DCBLD2: variants seen among roughly 807,000 people sequenced by gnomAD.
The protein encoded by DCBLD2 is discoidin, CUB and LCCL domain containing 2, also known as discoidin, CUB and LCCL domain-containing protein 2.
A neutral mutation model predicts 86.8 loss-of-function variants in DCBLD2; 54 were observed. The observed-to-expected ratio is 0.62, with a 90% CI of 0.50 to 0.78. The LOEUF is 0.78. Ranked by LOEUF, DCBLD2 falls within the 30% of genes least tolerant of loss-of-function variation. The pLI is 0.00. For synonymous variants in DCBLD2, 354 were observed against 341.3 expected (o/e 1.04, Z -0.41); for missense variants, 908 against 954.2 (o/e 0.95, Z 0.64).
intron 3 of DCBLD2, among the ~76,000 whole-genome samples, chr3:98,839,340 G>A (rs1201196786): frequency 6.6e-6 from 1 of 151,876 alleles, no homozygotes; most frequent in East Asian, 1.9e-4. Context: ...GTGTACCTGG[G>A]TGTTCCAGTT....
At chr3:98,839,184 C>T (rs1466293647) in intron 3 of DCBLD2, among the ~76,000 whole-genome samples, 5 of 50,444 alleles carry the variant, frequency 9.9e-5, no homozygotes, top group African/African-American at 5.4e-4. Flanking sequence ...TTCTTTCTTC[C>T]TTCCTTCCTT....
chr3:98,812,751 AT>A (rs573346814), intron 9 of DCBLD2: 116 of 261,496 alleles, frequency 4.4e-4, no homozygotes, highest in Non-Finnish European at 7.6e-4. Context: ...CTAACTTGGC[AT>A]TTGGGTAAAA....
chr3:98,901,522 C>G lies in DCBLD2; in HGVS notation c.-196G>C. ...TCCTTCGTCCCTTCCCTCCGCTCCC[C>G]GCGCCGAGACCCCAGGCCGGAGCGC... On this transcript the variant is annotated 5_prime_UTR_variant, in exon 1 of 16. Coordinates refer to ENST00000326840, the MANE Select transcript of DCBLD2 (RefSeq NM_080927.4). 1 of 454,412 alleles carries G rather than the reference C, an allele frequency of 2.2e-6. No homozygotes were observed. The highest frequency in any genetic ancestry group is 3.5e-6 in the Non-Finnish European group (1 of 286,680). 28.1% of individuals were successfully genotyped at this position (454,412 alleles called of 1,614,324 possible).
At chr3:98,859,506 G>A (rs114100217) in intron 2 of DCBLD2, among the ~76,000 whole-genome samples, 253 of 152,272 alleles carry the variant, frequency 1.7e-3, no homozygotes, top group Admixed American at 6.5e-3. Context: ...TCACATGGCC[G>A]GGTACGCCTC....
rs565015444 is a variant in DCBLD2, at chr3:98,802,412, T to C, written c.1671-763A>G. On this transcript the variant is annotated intron_variant, in intron 13 of 15. Transcript: ENST00000326840. ...ACTTGTTGATGGGGTTGTTTTTTTT[T>C]CTTGTAAATTTGTTTGAGTTCTTTG... is the stretch of plus-strand genomic sequence containing the variant. Among the ~76,000 whole-genome samples the C allele has an allele frequency of 1.5e-3, 230 of 152,350 alleles. 4 individuals are homozygous for C. Among genetic ancestry groups the C allele is most frequent in the Middle Eastern group, 0.014 (4 of 294 alleles).
chr3:98,867,290 C>G (rs553716868), intron 2 of DCBLD2, among the ~76,000 whole-genome samples: 1 of 152,138 alleles, frequency 6.6e-6, no homozygotes, highest in African/African-American at 2.4e-5. Context: ...CTATAAATTA[C>G]CTTGGGCAGT....
chr3:98,852,277 C>T (rs937148961), intron 2 of DCBLD2, among the ~76,000 whole-genome samples: 1 of 150,470 alleles, frequency 6.6e-6, no homozygotes, highest in South Asian at 2.1e-4. Context: ...AAAGGAGTCT[C>T]GCTCTGTCAC....
At chr3:98,833,891 G>A (rs1942370947) in intron 3 of DCBLD2, among the ~76,000 whole-genome samples, 1 of 152,214 alleles carries the variant, frequency 6.6e-6, no homozygotes, top group Non-Finnish European at 1.5e-5. Flanking sequence ...CCAGTGAAGG[G>A]AGGCTGGAAA....
At chr3:98,891,457 GT>G (rs1012885266) in intron 1 of DCBLD2, among the ~76,000 whole-genome samples, 1 of 152,002 alleles carries the variant, frequency 6.6e-6, no homozygotes, top group African/African-American at 2.4e-5. Context: ...CCCTTGCAAA[GT>G]TCTCTAATAG....
intron 2 of DCBLD2, among the ~76,000 whole-genome samples, chr3:98,870,785 G>GAA (rs1559794582): frequency 4.0e-5 from 6 of 150,654 alleles, no homozygotes; most frequent in African/African-American, 1.2e-4. Context: ...AAGAAAGAAA[G>GAA]AAAGAAAGAA....
intron 3 of DCBLD2, among the ~76,000 whole-genome samples, chr3:98,834,983 A>ATTT (rs1166072955): frequency 4.4e-5 from 6 of 137,828 alleles, no homozygotes; most frequent in Non-Finnish European, 9.8e-5. Flanking sequence ...TTTTTTTTTT[A>ATTT]TTTTTTTGAG....
At chr3:98,822,101 G>A (rs1447876403) in intron 6 of DCBLD2, 127 bp downstream of exon 6, 1 of 1,155,376 alleles carries the variant, frequency 8.7e-7, no homozygotes, top group South Asian at 1.2e-5. Context: ...AGTGCTTACT[G>A]CCTAAATGTT....
intron 4 of DCBLD2, 100 bp downstream of exon 4, chr3:98,825,215 T>C (rs990028023): frequency 2.3e-5 from 20 of 877,418 alleles, no homozygotes; most frequent in Admixed American, 1.6e-4. Context: ...TATCACACAA[T>C]ATACATTAAC....
intron 2 of DCBLD2, among the ~76,000 whole-genome samples, chr3:98,851,848 T>C (rs1450185295): frequency 2.6e-5 from 4 of 152,226 alleles, no homozygotes; most frequent in African/African-American, 7.2e-5. Flanking sequence ...CCCTATTTAA[T>C]AAATGCTGTT....
chr3:98,801,694 T>C (rs758596529), intron 13 of DCBLD2, 45 bp from the exon 14 acceptor site: 12 of 1,469,464 alleles, frequency 8.2e-6, no homozygotes, highest in Middle Eastern at 1.7e-4. Context: ...GTAAATTCAC[T>C]GGTAAGCCTG....
intron 3 of DCBLD2, among the ~76,000 whole-genome samples, chr3:98,848,402 T>C (rs1942765659): frequency 8.6e-6 from 1 of 116,856 alleles, no homozygotes. Flanking sequence ...TTCTAAGTCT[T>C]TGCTATTGAA....
chr3:98,838,109 T>C, intron 3 of DCBLD2, among the ~76,000 whole-genome samples: 1 of 124,204 alleles, frequency 8.1e-6, no homozygotes, highest in Admixed American at 7.7e-5. Context: ...ACCCCCCACC[T>C]CCCTCCCGGA....
rs1473640065 is a variant in DCBLD2 at position 98,802,818 on chromosome 3, G to T, written c.1671-1169C>A. 1.7e-4 allele frequency among the ~76,000 whole-genome samples: 26 copies of T among 152,168 alleles called. 1 individual carries two copies. In the East Asian group the frequency reaches 3.9e-3, roughly 23 times the overall value. On this transcript the variant is annotated intron_variant, in intron 13 of 15. Transcript: ENST00000326840. The stretch of plus-strand genomic sequence containing the variant: ...TATTAAATAGGGAATCCTTTCCCCA[G>T]TTCTTGTTTTTGTCAGGTTTGTCAA...
chr3:98,852,771 C>T (rs924966949), intron 2 of DCBLD2, among the ~76,000 whole-genome samples: 6 of 152,266 alleles, frequency 3.9e-5, no homozygotes, highest in South Asian at 2.1e-4. Flanking sequence ...CTATCAGGGC[C>T]ATTGCAAGTC....
Sources: gnomAD v4.1 joint callset for allele counts (sites outside exome capture counted in the v4.1 genomes callset) on GRCh38, gnomAD v4.1.1 for gene constraint, MANE v1.5 for transcripts, NCBI Gene and HGNC (gene_info 2026-07-23, HGNC 2026-07-21) for gene names.